Variants in ERC2 observed in about 807,000 individuals in gnomAD.
The protein encoded by ERC2 is ELKS/RAB6-interacting/CAST family member 2.
In ERC2, 42 loss-of-function variants were observed where a neutral mutation model predicts 114.8. The observed-to-expected ratio is 0.37, with a 90% CI of 0.29 to 0.47. The LOEUF is 0.47. Among genes scored for constraint, ERC2 ranks in the 20% least tolerant of loss-of-function variants. The probability of loss-of-function intolerance (pLI) is 0.99; values close to 1 mark genes in which losing one functional copy is unlikely to be tolerated. For missense variants in ERC2, 939 were observed against 1,150.7 expected (o/e 0.82, Z 2.66); for synonymous variants, 454 against 425.5 (o/e 1.07, Z -0.82).
At chr3:55,985,924 T>G (rs899683603) in intron 12 of ERC2, 53 bp downstream of exon 12, 14 of 1,495,558 alleles carry the variant, frequency 9.4e-6, no homozygotes, top group Non-Finnish European at 1.3e-5. Context: ...GTGCAAGCCA[T>G]AAATTGAGCT....
chr3:56,153,651 A>T (rs904943455), intron 4 of ERC2, among the ~76,000 whole-genome samples: 3 of 152,226 alleles, frequency 2.0e-5, no homozygotes, highest in African/African-American at 7.2e-5. Flanking sequence ...GTTTTCAAAC[A>T]GTATGTTCCC....
At chr3:55,993,808 T>G (rs1314183127) in intron 10 of ERC2, among the ~76,000 whole-genome samples, 1 of 152,124 alleles carries the variant, frequency 6.6e-6, no homozygotes, top group Non-Finnish European at 1.5e-5. Flanking sequence ...TTCATTATAA[T>G]AGATTATTAA....
intron 6 of ERC2, among the ~76,000 whole-genome samples, chr3:56,111,290 T>C (rs1182509334): frequency 6.6e-6 from 1 of 150,862 alleles, no homozygotes; most frequent in East Asian, 2.0e-4. Flanking sequence ...TCCCTCTTTC[T>C]CTCTCCCTCT....
chr3:55,778,901 GAAAT>G (rs1243715910), intron 14 of ERC2, among the ~76,000 whole-genome samples: 2 of 151,974 alleles, frequency 1.3e-5, no homozygotes, highest in East Asian at 3.9e-4. Context: ...AGAATGTAAA[GAAAT>G]AACTATAAAA....
chr3:55,698,564 T>A lies in ERC2; in HGVS notation c.2847+814A>T, dbSNP rs2063056943. ...TGCATACTTATCCAGATGGTTCTAT[T>A]TTGTTACCTATTGCTCCCATCTATG... On this transcript the variant is annotated intron_variant, in intron 16 of 17. Transcript: ENST00000288221. 2.0e-5 allele frequency among the ~76,000 whole-genome samples: 3 copies of A among 152,180 alleles called. No homozygotes were observed. The South Asian group carries it at 6.2e-4, about 31-fold the overall frequency.
At chr3:56,112,424 GAC>G (rs1201378287) in intron 6 of ERC2, among the ~76,000 whole-genome samples, 1 of 78,858 alleles carries the variant, frequency 1.3e-5, no homozygotes, top group Non-Finnish European at 2.5e-5. Context: ...AGTGAGAAAA[GAC>G]AGACAGACAC....
intron 14 of ERC2, among the ~76,000 whole-genome samples, chr3:55,866,154 G>A (rs551660965): frequency 2.6e-5 from 4 of 152,238 alleles, no homozygotes; most frequent in Admixed American, 2.6e-4. Context: ...CATCCTAGTG[G>A]ATGTAAAGTG....
In ERC2 at chr3:56,436,469, T is replaced by C. The variant is rs572494752; in HGVS notation, c.-140-1322A>G. 3.3e-5 allele frequency among the ~76,000 whole-genome samples: 5 copies of C among 152,296 alleles called. No individual in the cohort carries two copies. The South Asian group carries it at 1.0e-3, about 32-fold the overall frequency. On this transcript the variant is annotated intron_variant, in intron 1 of 17. Transcript: ENST00000288221. Reference sequence around the variant, plus strand: ...ATCTTTTATTTTCACCTGCCTATCATTCATCCCTTCCCCCTCTCCCAAATA... The same window carrying C: ...ATCTTTTATTTTCACCTGCCTATCACTCATCCCTTCCCCCTCTCCCAAATA...
chr3:55,536,725 G>T (rs1384355567), intron 17 of ERC2, among the ~76,000 whole-genome samples: 2 of 152,184 alleles, frequency 1.3e-5, no homozygotes, highest in Non-Finnish European at 1.5e-5. Flanking sequence ...TAACTGAAGG[G>T]TAGGAGCCCC....
intron 6 of ERC2, among the ~76,000 whole-genome samples, chr3:56,081,557 T>C (rs992037633): frequency 6.6e-6 from 1 of 151,556 alleles, no homozygotes; most frequent in African/African-American, 2.4e-5. Context: ...TCCAAATACT[T>C]TTAAAGAAAA....
chr3:56,089,884 A>G (rs996885533), intron 6 of ERC2, among the ~76,000 whole-genome samples: 4 of 152,206 alleles, frequency 2.6e-5, no homozygotes, highest in Middle Eastern at 3.2e-3. Context: ...TGAAGCTTCC[A>G]GAAAAACAGA....
At chr3:56,249,456 G>T (rs2051966954) in intron 3 of ERC2, among the ~76,000 whole-genome samples, 1 of 151,940 alleles carries the variant, frequency 6.6e-6, no homozygotes, top group African/African-American at 2.4e-5. Context: ...CTCCCGAGTA[G>T]CTGTGACTAC....
intron 6 of ERC2, among the ~76,000 whole-genome samples, chr3:56,087,525 T>C (rs1365149805): frequency 6.6e-6 from 1 of 152,170 alleles, no homozygotes; most frequent in East Asian, 1.9e-4. Flanking sequence ...TAAGTGCTAC[T>C]TGATGTGCCA....
rs113689678 is a variant in ERC2 at position 55,682,226 on chromosome 3, T to C, written c.*39+1568A>G. Among the ~76,000 whole-genome samples, 1,135 of 152,336 alleles carry C rather than the reference T, an allele frequency of 7.5e-3. 20 individuals are homozygous for C. Among genetic ancestry groups the C allele is most frequent in the African/African-American group, 0.026 (1,071 of 41,572 alleles). On this transcript the variant is annotated intron_variant, in intron 17 of 17. Coordinates refer to ENST00000288221, the MANE Select transcript of ERC2 (RefSeq NM_015576.3). ...CTACATAGGGAGAGAGTTGCTCCCA[T>C]AGACATCCAGAACTTCTCTGATTTC... is the stretch of plus-strand genomic sequence containing the variant.
chr3:55,993,108 T>C (rs1042355309), intron 10 of ERC2, among the ~76,000 whole-genome samples: 1 of 152,058 alleles, frequency 6.6e-6, no homozygotes, highest in South Asian at 2.1e-4. Context: ...CCCAGACAGA[T>C]AGAAATAACA....
intron 2 of ERC2, among the ~76,000 whole-genome samples, chr3:56,431,995 A>G (rs1302182920): frequency 6.6e-6 from 1 of 152,202 alleles, no homozygotes; most frequent in African/African-American, 2.4e-5. Flanking sequence ...TGAGACGGTT[A>G]AGTGGAATTA....
At chr3:55,893,133 G>A (rs1397211567) in intron 13 of ERC2, among the ~76,000 whole-genome samples, 1 of 152,068 alleles carries the variant, frequency 6.6e-6, no homozygotes, top group Admixed American at 6.6e-5. Context: ...CTGGCACCTT[G>A]GTCTTAGACT....
intron 3 of ERC2, among the ~76,000 whole-genome samples, chr3:56,182,154 A>G (rs2083324631): frequency 1.3e-5 from 2 of 152,232 alleles, no homozygotes; most frequent in South Asian, 2.1e-4. Context: ...CTAGTCTAAC[A>G]TTCCATACAC....
At position 56,253,501 on chromosome 3, in the gene ERC2, C is replaced by A. The variant is rs144418270; in HGVS notation, c.1074+42518G>T. Among the ~76,000 whole-genome samples, 28 of 152,320 alleles carry A rather than the reference C, an allele frequency of 1.8e-4. No individual in the cohort carries two copies. In the South Asian group the frequency reaches 2.3e-3, roughly 12 times the overall value. ...TCTTCCAGAAGTGGAGTTACGGAAT[C>A]AAAAGGTTAGACTCATTTATGTTGA... On this transcript the variant is annotated intron_variant, in intron 3 of 17. Transcript: ENST00000288221.
Sources: allele counts gnomAD v4.1 joint callset (sites outside exome capture counted in the v4.1 genomes callset), GRCh38; gene constraint gnomAD v4.1.1; transcripts MANE v1.5; gene names NCBI Gene and HGNC (gene_info 2026-07-23, HGNC 2026-07-21).